The following CDK6 variants were observed in gnomAD, a reference collection of about 807,000 sequenced individuals.
The protein encoded by CDK6 is cyclin-dependent kinase 6.
In CDK6, 6 loss-of-function variants were observed where a neutral mutation model predicts 37.1. That is an observed-to-expected ratio of 0.16 (90% CI 0.09 to 0.32). The LOEUF is 0.32. CDK6 is among the 10% of genes least tolerant of loss of function. CDK6 has a pLI of 1.00. For missense variants in CDK6, 224 were observed against 418.9 expected, an observed-to-expected ratio of 0.53 and a Z score of 4.06; for synonymous variants, 160 against 161.3, an observed-to-expected ratio of 0.99 and a Z score of 0.06.
intron 2 of CDK6, among the ~76,000 whole-genome samples, chr7:92,785,417 T>C (rs1450081222): frequency 1.3e-5 from 2 of 152,134 alleles, no homozygotes; most frequent in African/African-American, 4.8e-5. Context: ...GGACTGATAA[T>C]GTGTACTGGG....
rs554506511 is a variant in CDK6 at position 92,654,954 on chromosome 7, T to G, written c.647+16472A>C. On this transcript the variant is annotated intron_variant, in intron 5 of 7. Transcript: ENST00000424848. ...TCAATCTCCCAGGCTCAAGCTATTC[T>G]CCTACCTCAGCCTCCCAAGGTGGGA... 1.3e-4 allele frequency among the ~76,000 whole-genome samples: 19 copies of G among 151,188 alleles called. No homozygotes were observed. In the East Asian group the frequency reaches 1.6e-3, roughly 12 times the overall value.
At chr7:92,620,919 A>AT (rs1378454949) in intron 6 of CDK6, among the ~76,000 whole-genome samples, 11 of 152,226 alleles carry the variant, frequency 7.2e-5, no homozygotes, top group Admixed American at 3.3e-4. Context: ...AAAGAAAAAA[A>AT]TAAAAAAGAG....
At chr7:92,766,476 T>A (rs1562959388) in intron 3 of CDK6, among the ~76,000 whole-genome samples, 1 of 152,188 alleles carries the variant, frequency 6.6e-6, no homozygotes. Context: ...CATGGTTAGC[T>A]GACTATCTGT....
At chr7:92,749,311 C>CA (rs1466775744) in intron 3 of CDK6, among the ~76,000 whole-genome samples, 1 of 151,232 alleles carries the variant, frequency 6.6e-6, no homozygotes, top group Non-Finnish European at 1.5e-5. Context: ...CCTGTCTCTA[C>CA]AAAAAAAATT....
rs141064970 is a variant in CDK6 at position 92,661,452 on chromosome 7, G to A, written c.647+9974C>T. On this transcript the variant is annotated intron_variant, in intron 5 of 7. Coordinates refer to ENST00000424848, the MANE Select transcript of CDK6 (RefSeq NM_001145306.2). Reference sequence around the variant, plus strand: ...CCCTAAGACTTAACTACTAATGGCCGAGTATTGACTGGAAACCTTACCAAT... The same window carrying A: ...CCCTAAGACTTAACTACTAATGGCCAAGTATTGACTGGAAACCTTACCAAT... Among the ~76,000 whole-genome samples, 11 of 152,218 alleles carry A rather than the reference G, an allele frequency of 7.2e-5. No homozygotes were observed. In the East Asian group the frequency reaches 1.2e-3, roughly 16 times the overall value.
At chr7:92,711,847 C>T (rs1240553726) in intron 4 of CDK6, among the ~76,000 whole-genome samples, 2 of 151,268 alleles carry the variant, frequency 1.3e-5, no homozygotes, top group Non-Finnish European at 2.9e-5. Context: ...GAATTACATG[C>T]GTTAACCACC....
rs1211757856 is a variant in CDK6 at position 92,605,182 on chromosome 7, AC to A, written c.*9957del. 4.3e-6 allele frequency: 1 copy of A among 233,230 alleles called. No homozygotes were observed. The highest frequency in any genetic ancestry group is 6.1e-5 in the East Asian group (1 of 16,478). 14.4% of individuals were successfully genotyped at this position (233,230 alleles called of 1,614,324 possible). On this transcript the variant is annotated 3_prime_UTR_variant, in exon 8 of 8. Transcript: ENST00000424848. ...GAACACATTGGACAGTGATATTTCAACACCAATTTTGAAAAAAACAATGAAC... is the reference window on the plus strand; with the variant it reads ...GAACACATTGGACAGTGATATTTCAAACCAATTTTGAAAAAAACAATGAAC...
At position 92,774,680 on chromosome 7, in the gene CDK6, A is replaced by G; in HGVS notation, c.369+16T>C. On this transcript the variant is annotated intron_variant, in intron 3 of 7. Coordinates refer to ENST00000424848, the MANE Select transcript of CDK6 (RefSeq NM_001145306.2). ...TAGTCGACTGCCTGATAAGACATGAAGATGATTCTTGATACCTTTATGGTT... is the reference window on the plus strand; with the variant it reads ...TAGTCGACTGCCTGATAAGACATGAGGATGATTCTTGATACCTTTATGGTT... 6.3e-7 allele frequency: 1 copy of G among 1,581,384 alleles called. No homozygotes were observed. The highest frequency in any genetic ancestry group is 8.6e-7 in the Non-Finnish European group (1 of 1,167,502).
At chr7:92,624,346 C>A (rs1795876432) in intron 5 of CDK6, among the ~76,000 whole-genome samples, 1 of 152,050 alleles carries the variant, frequency 6.6e-6, no homozygotes, top group Admixed American at 6.6e-5. Context: ...GGGCCCTAAT[C>A]AAATCTGACT....
At chr7:92,636,814 C>T (rs183447102) in intron 5 of CDK6, among the ~76,000 whole-genome samples, 3 of 152,124 alleles carry the variant, frequency 2.0e-5, no homozygotes, top group Non-Finnish European at 2.9e-5. Flanking sequence ...TACAGGCATG[C>T]GCCACCATGC....
intron 5 of CDK6, among the ~76,000 whole-genome samples, chr7:92,662,613 T>C (rs969591024): frequency 2.0e-5 from 3 of 152,152 alleles, no homozygotes; most frequent in Non-Finnish European, 4.4e-5. Flanking sequence ...TGCTTGTGTA[T>C]AGGCTGGGGG....
At chr7:92,820,016 T>G (rs1054296122) in intron 2 of CDK6, among the ~76,000 whole-genome samples, 23 of 151,778 alleles carry the variant, frequency 1.5e-4, no homozygotes, top group African/African-American at 5.6e-4. Flanking sequence ...AAATCTGCAC[T>G]TAGAAAGATT....
At chr7:92,753,091 CTTA>C (rs1799223681) in intron 3 of CDK6, among the ~76,000 whole-genome samples, 1 of 151,990 alleles carries the variant, frequency 6.6e-6, no homozygotes, top group Non-Finnish European at 1.5e-5. Flanking sequence ...AAATTGTGAC[CTTA>C]TTAAGTTATT....
chr7:92,801,955 C>G (rs1016495387), intron 2 of CDK6, among the ~76,000 whole-genome samples: 10 of 146,128 alleles, frequency 6.8e-5, no homozygotes, highest in African/African-American at 2.5e-4. Flanking sequence ...CTCTCCTCCC[C>G]TCCCCCCCGT....
chr7:92,691,957 T>C (rs1170961461), intron 4 of CDK6, among the ~76,000 whole-genome samples: 2 of 152,152 alleles, frequency 1.3e-5, no homozygotes. Context: ...GACTGAAAAG[T>C]ATTAACTTTC....
chr7:92,802,519 C>T (rs1800606762), intron 2 of CDK6, among the ~76,000 whole-genome samples: 2 of 152,138 alleles, frequency 1.3e-5, no homozygotes, highest in African/African-American at 4.8e-5. Context: ...ACTTAACAAT[C>T]ATTCTCTCCT....
At chr7:92,757,484 T>G (rs1236889344) in intron 3 of CDK6, among the ~76,000 whole-genome samples, 1 of 152,252 alleles carries the variant, frequency 6.6e-6, no homozygotes, top group African/African-American at 2.4e-5. Flanking sequence ...ATACATGATC[T>G]TGTTCATTTT....
At chr7:92,657,646 G>C (rs1796726739) in intron 5 of CDK6, among the ~76,000 whole-genome samples, 1 of 152,174 alleles carries the variant, frequency 6.6e-6, no homozygotes, top group Non-Finnish European at 1.5e-5. Context: ...GAATTTTACA[G>C]TTGAAAGATG....
At chr7:92,697,172 AATC>A (rs1797739562) in intron 4 of CDK6, among the ~76,000 whole-genome samples, 1 of 152,246 alleles carries the variant, frequency 6.6e-6, no homozygotes, top group Non-Finnish European at 1.5e-5. Context: ...GCTTAATAGT[AATC>A]ATAACTATCG....
Sources: allele counts gnomAD v4.1 joint callset (sites outside exome capture counted in the v4.1 genomes callset), GRCh38; gene constraint gnomAD v4.1.1; transcripts MANE v1.5; gene names NCBI Gene and HGNC (gene_info 2026-07-23, HGNC 2026-07-21).